Variants in KIAA0586 observed in about 807,000 individuals in gnomAD.
KIAA0586 encodes protein TALPID3.
A neutral mutation model predicts 169.8 loss-of-function variants in KIAA0586; 144 were observed. That is an observed-to-expected ratio of 0.85 (90% CI 0.74 to 0.97). The LOEUF is 0.97. Among genes scored for constraint, KIAA0586 ranks in the 50% least tolerant of loss-of-function variants. The pLI, the probability that KIAA0586 is intolerant of heterozygous loss-of-function variation, is 0.00. For missense variants in KIAA0586, 1,854 were observed against 1,823.0 expected (o/e 1.02, Z -0.31); for synonymous variants, 625 against 612.4 (o/e 1.02, Z -0.30).
At chr14:58,440,447 T>C (rs189819026) in intron 4 of KIAA0586, among the ~76,000 whole-genome samples, 1,660 of 152,320 alleles carry the variant, frequency 0.011, 14 homozygotes, top group Non-Finnish European at 0.014. Flanking sequence ...TTCTCCTGCC[T>C]CAGCCTCCTG....
intron 30 of KIAA0586, chr14:58,544,113 T>C (rs1384487487): frequency 3.5e-6 from 1 of 283,482 alleles, no homozygotes. Flanking sequence ...AGTGAGAACA[T>C]GCAGTATTTG....
At chr14:58,444,751 C>T (rs961325043) in intron 6 of KIAA0586, among the ~76,000 whole-genome samples, 1 of 151,740 alleles carries the variant, frequency 6.6e-6, no homozygotes, top group Non-Finnish European at 1.5e-5. Context: ...TATCATATTG[C>T]AACTATTGGT....
intron 27 of KIAA0586, among the ~76,000 whole-genome samples, chr14:58,500,876 TA>T (rs1295667806): frequency 1.3e-5 from 2 of 152,184 alleles, no homozygotes; most frequent in African/African-American, 4.8e-5. Flanking sequence ...AGAGCTGGAA[TA>T]AGGTGGAATG....
Position 58,449,435 on chromosome 14 carries a change from C to T in KIAA0586, c.961+942C>T, listed in dbSNP as rs142223363. On this transcript the variant is annotated intron_variant, in intron 7 of 30. Coordinates refer to ENST00000652326, the MANE Select transcript of KIAA0586 (RefSeq NM_001329943.3). ...TCCCAGTTACTTTGGAGGCTGAGGT[C>T]GGAGGATTGCCTGAGCCCAGGAGGT... Among the ~76,000 whole-genome samples the T allele has an allele frequency of 1.8e-3, 268 of 152,168 alleles. 1 individual carries two copies. The highest frequency in any genetic ancestry group is 6.8e-3 in the Middle Eastern group (2 of 294).
chr14:58,538,786 G>A (rs2046460350), intron 29 of KIAA0586, among the ~76,000 whole-genome samples: 3 of 150,552 alleles, frequency 2.0e-5, no homozygotes, highest in South Asian at 4.2e-4. Flanking sequence ...GAGTTCAATT[G>A]TTTTTTCTTT....
intron 6 of KIAA0586, among the ~76,000 whole-genome samples, chr14:58,444,764 A>G (rs2038712483): frequency 1.3e-5 from 2 of 151,844 alleles, no homozygotes; most frequent in Non-Finnish European, 2.9e-5. Context: ...CTATTGGTTT[A>G]CGTCAGCAGT....
At chr14:58,507,490 C>T (rs368251196) in intron 27 of KIAA0586, among the ~76,000 whole-genome samples, 1 of 151,400 alleles carries the variant, frequency 6.6e-6, no homozygotes. Context: ...TCTAGCAAGA[C>T]TGTGAAACAG....
intron 29 of KIAA0586, 113 bp from the exon 30 acceptor site, chr14:58,539,958 T>G: frequency 2.4e-5 from 15 of 618,176 alleles, no homozygotes; most frequent in Non-Finnish European, 3.7e-5. Context: ...CCTGGTTTTA[T>G]GAGAATAACG....
intron 27 of KIAA0586, among the ~76,000 whole-genome samples, chr14:58,502,155 A>C (rs575182228): frequency 2.0e-5 from 3 of 151,818 alleles, no homozygotes; most frequent in African/African-American, 7.3e-5. Flanking sequence ...TTTTCTTTTG[A>C]GACAGAGTCT....
intron 29 of KIAA0586, among the ~76,000 whole-genome samples, chr14:58,527,219 C>T (rs1271330197): frequency 1.3e-5 from 2 of 152,120 alleles, no homozygotes; most frequent in East Asian, 3.9e-4. Flanking sequence ...AAGACCAAAC[C>T]TACATCTGAT....
chr14:58,448,259 C>T (rs957440652), intron 6 of KIAA0586, 81 bp from the exon 7 acceptor site: 9 of 881,656 alleles, frequency 1.0e-5, no homozygotes, highest in Non-Finnish European at 1.5e-5. Flanking sequence ...ATGTTTAACT[C>T]CTCTAATATT....
intron 4 of KIAA0586, among the ~76,000 whole-genome samples, chr14:58,435,897 C>T (rs777452015): frequency 2.0e-5 from 3 of 151,862 alleles, no homozygotes; most frequent in African/African-American, 2.4e-5. Flanking sequence ...TTAGTAGAGA[C>T]GGGGTTTTGC....
chr14:58,456,859 A>G (rs1028729689), intron 10 of KIAA0586, 49 bp downstream of exon 10: 2 of 969,046 alleles, frequency 2.1e-6, no homozygotes, highest in African/African-American at 1.6e-5. Flanking sequence ...GATAAAAATT[A>G]AAAAGGAATA....
intron 29 of KIAA0586, among the ~76,000 whole-genome samples, chr14:58,524,067 A>G (rs894189523): frequency 6.6e-6 from 1 of 152,190 alleles, no homozygotes; most frequent in African/African-American, 2.4e-5. Flanking sequence ...TGTTCATATA[A>G]TGAAAATAAA....
intron 2 of KIAA0586, 117 bp downstream of exon 2, chr14:58,429,550 C>G: frequency 1.4e-6 from 1 of 704,970 alleles, no homozygotes; most frequent in South Asian, 1.6e-5. Flanking sequence ...ATATCACTTA[C>G]CAAAACAAAT....
At chr14:58,554,490 G>A (rs1226238642), downstream of KIAA0586, among the ~76,000 whole-genome samples, 1 of 152,144 alleles carries the variant, frequency 6.6e-6, no homozygotes. Flanking sequence ...AGCTAAATCT[G>A]CATGTGACAA....
intron 27 of KIAA0586, among the ~76,000 whole-genome samples, chr14:58,503,499 C>CT (rs2141363427): frequency 6.6e-6 from 1 of 152,226 alleles, no homozygotes; most frequent in South Asian, 2.1e-4. Flanking sequence ...TGAGTGCCTG[C>CT]TATGTGCTGA....
intron 19 of KIAA0586, among the ~76,000 whole-genome samples, chr14:58,476,896 C>G (rs2041677369): frequency 6.6e-6 from 1 of 152,146 alleles, no homozygotes; most frequent in Non-Finnish European, 1.5e-5. Flanking sequence ...TGAGCTCAAG[C>G]AATCTGCCCA....
rs1398959162 is a variant in KIAA0586, at chr14:58,443,927, T to G, written c.586-27T>G. 3.5e-6 allele frequency: 5 copies of G among 1,418,872 alleles called. 1 individual carries two copies. The highest frequency in any genetic ancestry group is 4.9e-6 in the Non-Finnish European group (5 of 1,028,670). 87.9% of individuals were successfully genotyped at this position (1,418,872 alleles called of 1,614,324 possible). A position where few individuals can be genotyped will look rare whatever the true frequency, so the allele number is the denominator to read the frequency against. On this transcript the variant is annotated intron_variant, in intron 5 of 30. Coordinates refer to ENST00000652326, the MANE Select transcript of KIAA0586 (RefSeq NM_001329943.3). The stretch of plus-strand genomic sequence containing the variant: ...TATTTTTGGTATCCTATAATGTGAA[T>G]TTTTAAAAATGTTTTTATTGTTTTA...
Sources: gnomAD v4.1 joint callset for allele counts (sites outside exome capture counted in the v4.1 genomes callset) on GRCh38, gnomAD v4.1.1 for gene constraint, MANE v1.5 for transcripts, NCBI Gene and HGNC (gene_info 2026-07-23, HGNC 2026-07-21) for gene names.